MYO18B: variants seen among roughly 807,000 people sequenced by gnomAD.
MYO18B encodes the protein unconventional myosin-XVIIIb.
Under a neutral mutation model 273.0 loss-of-function variants are expected in MYO18B, and 204 were observed. The ratio of observed to expected loss-of-function variants is 0.75; its 90% CI spans 0.67 to 0.84. MYO18B has a LOEUF of 0.84. Among genes scored for constraint, MYO18B ranks in the 40% least tolerant of loss-of-function variants. The pLI, the probability that MYO18B is intolerant of heterozygous loss-of-function variation, is 0.00. For missense variants in MYO18B, 3,212 were observed against 3,287.6 expected (o/e 0.98, Z 0.56); for synonymous variants, 1,330 against 1,305.7 (o/e 1.02, Z -0.40).
At chr22:25,903,925 C>T (rs2091988410) in intron 31 of MYO18B, 94 bp downstream of exon 31, 3 of 1,328,716 alleles carry the variant, frequency 2.3e-6, no homozygotes, top group Non-Finnish European at 3.1e-6. Flanking sequence ...CACTTGGCTG[C>T]TCCTCATCCT....
intron 12 of MYO18B, among the ~76,000 whole-genome samples, chr22:25,803,679 C>G (rs1304739129): frequency 1.3e-5 from 2 of 152,252 alleles, no homozygotes; most frequent in East Asian, 3.9e-4. Context: ...ATCTAAGCCT[C>G]AGTTCTCTCA....
intron 11 of MYO18B, among the ~76,000 whole-genome samples, chr22:25,793,458 C>T (rs766596677): frequency 6.6e-5 from 10 of 151,978 alleles, no homozygotes; most frequent in African/African-American, 1.9e-4. Flanking sequence ...AGGCTGGTCT[C>T]GAACTCCTAG....
At chr22:25,929,922 C>G (rs552015818) in intron 34 of MYO18B, among the ~76,000 whole-genome samples, 1 of 152,086 alleles carries the variant, frequency 6.6e-6, no homozygotes, top group Non-Finnish European at 1.5e-5. Flanking sequence ...GTTCAAGATC[C>G]ATTGGTAGTT....
chr22:26,028,436 T>C (rs576425022), intron 43 of MYO18B: 1 of 152,082 alleles, frequency 6.6e-6, no homozygotes, highest in South Asian at 2.1e-4. Flanking sequence ...TTCAGAATAG[T>C]GGAGTCCACT....
chr22:25,803,594 G>T (rs1296400165), intron 12 of MYO18B, among the ~76,000 whole-genome samples: 2 of 152,082 alleles, frequency 1.3e-5, no homozygotes, highest in East Asian at 3.9e-4. Flanking sequence ...ACTAGACTTT[G>T]CAGTCAGCCA....
chr22:25,916,221 A>T (rs763489), intron 33 of MYO18B, among the ~76,000 whole-genome samples: 78,534 of 151,930 alleles, frequency 0.52, 20,585 homozygotes, highest in Middle Eastern at 0.58. Context: ...CTTTTGAGTT[A>T]TTTTGTGGTT....
chr22:25,923,194 C>G (rs2092373654), intron 34 of MYO18B, among the ~76,000 whole-genome samples: 1 of 152,210 alleles, frequency 6.6e-6, no homozygotes, highest in South Asian at 2.1e-4. Context: ...ACTTGTTAAA[C>G]CAGAAGACAC....
the MYO18B span, among the ~76,000 whole-genome samples, chr22:26,040,516 T>C: frequency 3.3e-5 from 5 of 152,132 alleles, no homozygotes; most frequent in Middle Eastern, 3.4e-3. Context: ...CTATACAAGA[T>C]ATTAGGACGC....
At chr22:25,972,483 A>G (rs1028035279) in intron 39 of MYO18B, among the ~76,000 whole-genome samples, 19 of 152,368 alleles carry the variant, frequency 1.2e-4, no homozygotes, top group African/African-American at 4.3e-4. Context: ...TTCGCAGATC[A>G]GCAGCCTTGG....
Position 25,996,262 on chromosome 22 carries a change from G to T in MYO18B, c.6287+3769G>T, listed in dbSNP as rs139681362. 4.3e-3 allele frequency among the ~76,000 whole-genome samples: 636 copies of T among 149,560 alleles called. 4 individuals carry two copies. The highest frequency in any genetic ancestry group is 0.015 in the African/African-American group (606 of 39,964). On this transcript the variant is annotated intron_variant, in intron 40 of 43. Transcript: ENST00000335473. ...AGCACATTACCTTGCACATAGTAGG[G>T]GCTCAACGAGAATCATCATCAATTG...
At chr22:25,775,401 G>T (rs903853848) in intron 7 of MYO18B, among the ~76,000 whole-genome samples, 2 of 152,152 alleles carry the variant, frequency 1.3e-5, no homozygotes, top group African/African-American at 4.8e-5. Context: ...CCCCTAGTTC[G>T]GCCAAAGGAC....
At chr22:25,914,401 T>G (rs953145683) in intron 33 of MYO18B, among the ~76,000 whole-genome samples, 7 of 152,280 alleles carry the variant, frequency 4.6e-5, no homozygotes, top group African/African-American at 1.7e-4. Context: ...TGGCTTTCAG[T>G]AATGTTTTAT....
intron 8 of MYO18B, 79 bp downstream of exon 8, chr22:25,777,860 A>G: frequency 2.2e-6 from 3 of 1,367,188 alleles, no homozygotes; most frequent in East Asian, 4.8e-5. Flanking sequence ...CTGCTTTCTT[A>G]TATTCATTCA....
intron 11 of MYO18B, among the ~76,000 whole-genome samples, chr22:25,789,638 A>AG (rs2087567728): frequency 6.6e-6 from 1 of 151,390 alleles, no homozygotes; most frequent in South Asian, 2.1e-4. Flanking sequence ...TGTCTCAAGA[A>AG]AAAAAAAATA....
chr22:25,952,253 C>T (rs377000085), intron 37 of MYO18B, 33 bp from the exon 38 acceptor site: 12 of 1,599,754 alleles, frequency 7.5e-6, no homozygotes, highest in Non-Finnish European at 9.4e-6. Flanking sequence ...TCAGGGACAA[C>T]AGATGTCCAA....
chr22:26,035,131 T>G (rs1403180233), downstream of MYO18B, among the ~76,000 whole-genome samples: 2 of 152,090 alleles, frequency 1.3e-5, no homozygotes, highest in Non-Finnish European at 2.9e-5. Context: ...CTAAGTCCAG[T>G]TGCTCATATC....
chr22:25,914,686 CT>C (rs3070566), intron 33 of MYO18B, among the ~76,000 whole-genome samples: 22 of 50,838 alleles, frequency 4.3e-4, no homozygotes, highest in South Asian at 1.2e-3. Flanking sequence ...AGTTTTGACT[CT>C]TTTTTTTTTT....
intron 11 of MYO18B, among the ~76,000 whole-genome samples, chr22:25,796,109 C>T (rs1217361011): frequency 6.6e-6 from 1 of 152,156 alleles, no homozygotes; most frequent in African/African-American, 2.4e-5. Context: ...TTCCCATTCC[C>T]GGCTCACTTC....
At chr22:25,975,307 C>T (rs544200452) in intron 39 of MYO18B, among the ~76,000 whole-genome samples, 7 of 152,090 alleles carry the variant, frequency 4.6e-5, no homozygotes, top group East Asian at 3.9e-4. Context: ...TTTCAGACTC[C>T]GTCAAAAGGA....
Sources: allele counts gnomAD v4.1 joint callset (sites outside exome capture counted in the v4.1 genomes callset), GRCh38; gene constraint gnomAD v4.1.1; transcripts MANE v1.5; gene names NCBI Gene and HGNC (gene_info 2026-07-23, HGNC 2026-07-21).